GCFC2: variants seen among roughly 807,000 people sequenced by gnomAD.
GCFC2 encodes intron Large complex component GCFC2.
Under a neutral mutation model 99.4 loss-of-function variants are expected in GCFC2, and 102 were observed. That is an observed-to-expected ratio of 1.03 (90% CI 0.87 to 1.21). The LOEUF (loss-of-function observed/expected upper bound fraction) is 1.21. GCFC2 is among the 50% of genes most tolerant of loss of function. The pLI is 0.00. For missense variants in GCFC2, 973 were observed against 920.9 expected, an observed-to-expected ratio of 1.06 and a Z score of -0.73; for synonymous variants, 338 against 316.8, an observed-to-expected ratio of 1.07 and a Z score of -0.71.
At position 75,689,053 on chromosome 2, in the gene GCFC2, A is replaced by C. The variant is rs1293231051; in HGVS notation, c.1512T>G (p.Val504=). The C allele has an allele frequency of 1.9e-6, 3 of 1,578,416 alleles. No homozygotes were observed. The highest frequency in any genetic ancestry group is 2.6e-6 in the Non-Finnish European group (3 of 1,153,642). Residue 504 remains valine (V), a synonymous_variant, in exon 10 of 17, where the codon GTT becomes GTG. Coordinates refer to ENST00000321027, the MANE Select transcript of GCFC2 (RefSeq NM_003203.5). ...IPKLLNPLIR[V]QLIDWNPLKL... The stretch of plus-strand genomic sequence containing the variant: ...TAAGAGGATTCCAATCAATCAACTG[A>C]ACTCGTATTAGGGGATTTAAAAGCT...
In GCFC2 at chr2:75,692,048, T is replaced by G; in HGVS notation, c.1073A>C (p.Gln358Pro). 6.4e-7 allele frequency: 1 copy of G among 1,554,464 alleles called. No homozygotes were observed. Among genetic ancestry groups the G allele is most frequent in the Non-Finnish European group, 8.8e-7 (1 of 1,139,908 alleles). ...ESSMHALLLK[Q>P]AMTFMKRRQD... ...CCTGCGTTTCATAAAGGTCATAGCTTGTTTTAAAAGGAGTGCATGCATGGA... is the reference window on the plus strand; with the variant it reads ...CCTGCGTTTCATAAAGGTCATAGCTGGTTTTAAAAGGAGTGCATGCATGGA... Residue 358 changes from glutamine to proline, a missense_variant, in exon 7 of 17, where the codon CAA (glutamine) becomes CCA (proline). By Grantham distance (76) the Gln-to-Pro change is moderately conservative. Coordinates refer to ENST00000321027, the MANE Select transcript of GCFC2 (RefSeq NM_003203.5).
intron 10 of GCFC2, among the ~76,000 whole-genome samples, 176 bp from the exon 11 acceptor site, chr2:75,688,153 G>T (rs772455899): frequency 6.6e-6 from 1 of 152,198 alleles, no homozygotes; most frequent in Non-Finnish European, 1.5e-5. Flanking sequence ...GCATGACTGA[G>T]ACATGGTGTC....
chr2:75,690,657 C>T lies in GCFC2; in HGVS notation c.1207G>A (p.Glu403Lys). The T allele has an allele frequency of 6.5e-7, 1 of 1,527,214 alleles. No homozygotes were observed. The highest frequency in any genetic ancestry group is 1.7e-5 in the Admixed American group (1 of 57,924). 94.6% of individuals were successfully genotyped at this position (1,527,214 alleles called of 1,614,324 possible). A position where few individuals can be genotyped will look rare whatever the true frequency, so the allele number is the denominator to read the frequency against. Residue 403 changes from glutamate to lysine, a missense_variant, in exon 8 of 17, where the codon GAA becomes AAA. Glu to Lys is a moderately conservative substitution (Grantham distance 56). Transcript: ENST00000321027. ...SVDEKTQWIL[E>K]EIESRRTKRR... ...AGGTACCTTCGAGATTCAATCTCTTCTAAAATCCACTGAGTTTTTTCATCT... is the reference window on the plus strand; with the variant it reads ...AGGTACCTTCGAGATTCAATCTCTTTTAAAATCCACTGAGTTTTTTCATCT...
chr2:75,676,126 G>C (rs754089203), intron 12 of GCFC2, among the ~76,000 whole-genome samples: 27 of 152,088 alleles, frequency 1.8e-4, no homozygotes, highest in African/African-American at 6.0e-4. Context: ...ATCGGATTGC[G>C]TAAGATTTAT....
intron 1 of GCFC2, chr2:75,710,347 C>T (rs757391994): frequency 8.0e-5 from 66 of 829,280 alleles, no homozygotes; most frequent in Admixed American, 1.2e-4. Context: ...AAACGAAGAG[C>T]CTCCCAACTG....
At chr2:75,713,042 T>C (rs1444665100), upstream of GCFC2, among the ~76,000 whole-genome samples, 1 of 152,206 alleles carries the variant, frequency 6.6e-6, no homozygotes, top group Non-Finnish European at 1.5e-5. Context: ...AAAGTTTCTC[T>C]GATTGACCTA....
At chr2:75,699,820 T>G (rs779103040) in intron 4 of GCFC2, among the ~76,000 whole-genome samples, 2 of 152,114 alleles carry the variant, frequency 1.3e-5, no homozygotes, top group Non-Finnish European at 2.9e-5. Context: ...GAAGTGATCC[T>G]TCCACCTTGG....
chr2:75,699,575 C>T (rs1230668987), intron 4 of GCFC2, among the ~76,000 whole-genome samples: 2 of 151,824 alleles, frequency 1.3e-5, no homozygotes, highest in African/African-American at 4.9e-5. Context: ...TTCATTCATT[C>T]ATTCATTTAT....
intron 6 of GCFC2, among the ~76,000 whole-genome samples, chr2:75,692,934 T>C (rs1157004994): frequency 1.3e-5 from 2 of 152,130 alleles, no homozygotes; most frequent in African/African-American, 4.8e-5. Flanking sequence ...CAACAATTCC[T>C]CCTACTCCAT....
intron 4 of GCFC2, among the ~76,000 whole-genome samples, chr2:75,700,503 T>C (rs1400851951): frequency 6.6e-6 from 1 of 152,200 alleles, no homozygotes; most frequent in Non-Finnish European, 1.5e-5. Context: ...ATGTCTCTGT[T>C]GTATTGTGAA....
At chr2:75,690,234 T>C (rs550466891) in intron 8 of GCFC2, among the ~76,000 whole-genome samples, 153 bp from the exon 9 acceptor site, 1 of 152,292 alleles carries the variant, frequency 6.6e-6, no homozygotes, top group Admixed American at 6.5e-5. Flanking sequence ...GCGCACAATT[T>C]TATTAATATT....
rs773129838 is a variant in GCFC2 at position 75,670,238 on chromosome 2, G to T, written c.2003C>A (p.Thr668Asn). ...CTTCCCTAGTCCTAGTTCTTGCAAG[G>T]TGTCATCTGTAAGGAGTCCATTCCA... The part of the protein sequence containing the change: ...LLWNGLLTDD[T>N]LQELGLGKLL... The change falls in exon 15 of 17, where the codon ACC (threonine) becomes AAC (asparagine). Residue 668 changes from threonine (T) to asparagine (N), a missense_variant. Coordinates refer to ENST00000321027, the MANE Select transcript of GCFC2 (RefSeq NM_003203.5). 1 of 1,606,672 alleles carries T rather than the reference G, an allele frequency of 6.2e-7. No homozygotes were observed. Among genetic ancestry groups the T allele is most frequent in the Admixed American group, 1.7e-5 (1 of 60,010 alleles).
At position 75,689,021 on chromosome 2, in the gene GCFC2, A is replaced by T; in HGVS notation, c.1539+5T>A. ...GATAATTTTTCATATGTTAAGCATA[A>T]ATACCTTAAGAGGATTCCAATCAAT... On this transcript the variant is annotated splice_donor_5th_base_variant and intron_variant, in intron 10 of 16. Transcript: ENST00000321027. 1 of 1,466,788 alleles carries T rather than the reference A, an allele frequency of 6.8e-7. No individual in the cohort carries two copies. Among genetic ancestry groups the T allele is most frequent in the Non-Finnish European group, 9.4e-7 (1 of 1,060,004 alleles). The allele number at this position is 1,466,788 out of a possible 1,614,324, so 90.9% of individuals were successfully genotyped here.
chr2:75,672,392 C>A (rs2104225049), intron 13 of GCFC2, among the ~76,000 whole-genome samples: 1 of 149,636 alleles, frequency 6.7e-6, no homozygotes, highest in African/African-American at 2.4e-5. Context: ...ACTAATATAT[C>A]ACATTCATAC....
At position 75,664,518 on chromosome 2, in the gene GCFC2, C is replaced by CG; in HGVS notation, c.*147dup. ...TTTCATGATGCCAGAAGGTAAAGCA[C>CG]GGGGGAATACAGAGGTGGAGTCCTG... On this transcript the variant is annotated 3_prime_UTR_variant, in exon 17 of 17. Coordinates refer to ENST00000321027, the MANE Select transcript of GCFC2 (RefSeq NM_003203.5). The CG allele has an allele frequency of 2.1e-6, 1 of 475,928 alleles. No individual in the cohort carries two copies. The highest frequency in any genetic ancestry group is 3.4e-5 in the East Asian group (1 of 29,420). The allele number at this position is 475,928 out of a possible 1,614,324, so 29.5% of individuals were successfully genotyped here.
chr2:75,705,467 C>CA (rs1217822998), intron 2 of GCFC2, among the ~76,000 whole-genome samples: 3 of 151,406 alleles, frequency 2.0e-5, no homozygotes, highest in South Asian at 2.1e-4. Flanking sequence ...ACTAAAAATA[C>CA]AAAAAATTAG....
intron 2 of GCFC2, among the ~76,000 whole-genome samples, chr2:75,702,706 C>G (rs1467564225): frequency 5.3e-5 from 8 of 152,136 alleles, no homozygotes; most frequent in Non-Finnish European, 7.4e-5. Flanking sequence ...AGGTACTGCT[C>G]ACTTTGTTGA....
intron 1 of GCFC2, among the ~76,000 whole-genome samples, chr2:75,708,904 C>G (rs1680989150): frequency 6.6e-6 from 1 of 152,114 alleles, no homozygotes; most frequent in African/African-American, 2.4e-5. Context: ...CTATTAAGTA[C>G]TCGTCTTAAT....
intron 11 of GCFC2, among the ~76,000 whole-genome samples, chr2:75,684,647 C>T (rs906664777): frequency 3.9e-5 from 6 of 152,258 alleles, no homozygotes; most frequent in Middle Eastern, 6.8e-3. Flanking sequence ...GACAGTGTGG[C>T]GACTGCTCAA....
Sources: gnomAD v4.1 joint callset for allele counts (sites outside exome capture counted in the v4.1 genomes callset) on GRCh38, gnomAD v4.1.1 for gene constraint, MANE v1.5 for transcripts, NCBI Gene and HGNC (gene_info 2026-07-23, HGNC 2026-07-21) for gene names.